Variants in SCN7A observed in about 807,000 individuals in gnomAD.
SCN7A encodes the protein sodium channel protein type 7 subunit alpha.
A neutral mutation model predicts 155.2 loss-of-function variants in SCN7A; 138 were observed. The ratio of observed to expected loss-of-function variants is 0.89; its 90% CI spans 0.77 to 1.02. The LOEUF is 1.02. Among genes scored for constraint, SCN7A ranks in the 50% least tolerant of loss-of-function variants. SCN7A has a pLI of 0.00. For synonymous variants in SCN7A, 693 were observed against 649.0 expected, an observed-to-expected ratio of 1.07 and a Z score of -1.03; for missense variants, 2,058 against 1,986.6, an observed-to-expected ratio of 1.04 and a Z score of -0.68.
chr2:166,430,545 A>C (rs1395388243), intron 16 of SCN7A, among the ~76,000 whole-genome samples: 1 of 151,858 alleles, frequency 6.6e-6, no homozygotes, highest in Non-Finnish European at 1.5e-5. Context: ...ATCCTATTTG[A>C]TGTGATTTTT....
At chr2:166,482,194 T>C (rs958641360) in intron 2 of SCN7A, among the ~76,000 whole-genome samples, 8 of 152,120 alleles carry the variant, frequency 5.3e-5, no homozygotes, top group East Asian at 1.9e-4. Flanking sequence ...AAAATCAGTA[T>C]ATTTTTGATA....
At position 166,439,053 on chromosome 2, in the gene SCN7A, GTGTA is replaced by G. The variant is rs1372091751; in HGVS notation, c.2157+2339_2157+2342del. On this transcript the variant is annotated intron_variant, in intron 15 of 25. Coordinates refer to ENST00000643258, the MANE Select transcript of SCN7A (RefSeq NM_002976.4). ...CACACATACATATATGTGTGTGTGT[GTGTA>G]TATATATATATATATATATATAGCC... Among the ~76,000 whole-genome samples the G allele has an allele frequency of 4.8e-4, 41 of 86,098 alleles. No individual in the cohort carries two copies. The East Asian group carries it at 5.1e-3, about 11-fold the overall frequency. 56.5% of individuals were successfully genotyped at this position (86,098 alleles called of 152,430 possible).
intron 1 of SCN7A, among the ~76,000 whole-genome samples, chr2:166,488,760 C>T (rs771968689): frequency 6.6e-6 from 1 of 151,908 alleles, no homozygotes; most frequent in South Asian, 2.1e-4. Flanking sequence ...GCTTCAGCCT[C>T]CCAAGTAGCT....
At chr2:166,426,922 T>A (rs1701636960) in intron 18 of SCN7A, among the ~76,000 whole-genome samples, 1 of 152,090 alleles carries the variant, frequency 6.6e-6, no homozygotes, top group African/African-American at 2.4e-5. Flanking sequence ...CTCCATCTTC[T>A]GTGTTCTGTG....
rs61576399 is a variant in SCN7A at position 166,456,803 on chromosome 2, AATATATATATATAT to A, written c.1290+53_1290+66del. On this transcript the variant is annotated intron_variant, in intron 11 of 25. Transcript: ENST00000643258. ...TAAATGATTGCTGTTTCAAGACTAA[AATATATATATATAT>A]ATATATATATATAGATAGATAGATA... 55 of 506,648 alleles carry A rather than the reference AATATATATATATAT, an allele frequency of 1.1e-4. 1 individual carries two copies. The highest frequency in any genetic ancestry group is 1.7e-4 in the South Asian group (4 of 23,924). 31.4% of individuals were successfully genotyped at this position (506,648 alleles called of 1,614,324 possible). A position where few individuals can be genotyped will look rare whatever the true frequency, so the allele number is the denominator to read the frequency against.
intron 2 of SCN7A, among the ~76,000 whole-genome samples, chr2:166,481,546 T>G (rs1424763960): frequency 6.6e-6 from 1 of 152,144 alleles, no homozygotes; most frequent in Non-Finnish European, 1.5e-5. Flanking sequence ...TACTTAATAG[T>G]AACTGCAATA....
Position 166,429,293 on chromosome 2 carries a change from C to T in SCN7A, c.2593-19G>A. 4.9e-6 allele frequency: 7 copies of T among 1,434,602 alleles called. No individual in the cohort carries two copies. Among genetic ancestry groups the T allele is most frequent in the Non-Finnish European group, 6.6e-6 (7 of 1,060,752 alleles). 88.9% of individuals were successfully genotyped at this position (1,434,602 alleles called of 1,614,324 possible). On this transcript the variant is annotated intron_variant, in intron 16 of 25. Transcript: ENST00000643258. ...TTATTTTCTAAAAGGTGAAGTCCCA[C>T]CAAAAAAGTTGTGATTAAAGTTTCA...
At chr2:166,435,064 T>C (rs1260582355) in intron 15 of SCN7A, among the ~76,000 whole-genome samples, 1 of 152,068 alleles carries the variant, frequency 6.6e-6, no homozygotes, top group Non-Finnish European at 1.5e-5. Flanking sequence ...CATACATTCA[T>C]ATATCTATAT....
At chr2:166,472,212 G>T in intron 6 of SCN7A, 105 bp downstream of exon 6, 19 of 1,083,800 alleles carry the variant, frequency 1.8e-5, no homozygotes, top group East Asian at 3.1e-5. Context: ...TTCTTCACTT[G>T]CAGACTATCT....
At chr2:166,420,184 A>G (rs1701481542) in intron 20 of SCN7A, among the ~76,000 whole-genome samples, 1 of 152,060 alleles carries the variant, frequency 6.6e-6, no homozygotes. Context: ...TATAGAGAAA[A>G]ATAAACATCC....
chr2:166,451,650 C>T (rs888452177), intron 11 of SCN7A, among the ~76,000 whole-genome samples: 1 of 152,300 alleles, frequency 6.6e-6, no homozygotes, highest in African/African-American at 2.4e-5. Context: ...ACTTCTCTGA[C>T]TCACCCTGCC....
rs796775807 is a variant in SCN7A, at chr2:166,456,989, C to T, written c.1171G>A (p.Gly391Ser). ...FSFYMASLFL[G>S]ILAMAYEEEK... The stretch of plus-strand genomic sequence containing the variant: ...TCTTCATAGGCCATGGCAAGTATGC[C>T]TAAGAACAAACTTGCCATATAAAAG... The change falls in exon 11 of 26, where the codon GGC becomes AGC. Residue 391 changes from glycine to serine, a missense_variant. Coordinates refer to ENST00000643258, the MANE Select transcript of SCN7A (RefSeq NM_002976.4). The T allele has an allele frequency of 6.2e-7, 1 of 1,608,994 alleles. No homozygotes were observed. The highest frequency in any genetic ancestry group is 1.3e-5 in the African/African-American group (1 of 74,892).
intron 1 of SCN7A, among the ~76,000 whole-genome samples, chr2:166,489,391 C>CTATATTATTTAT (rs1683029990): frequency 6.6e-6 from 1 of 152,142 alleles, no homozygotes; most frequent in African/African-American, 2.4e-5. Context: ...CTGTTGCTTT[C>CTATATTATTTAT]CAGTTAATAT....
chr2:166,418,284 C>CTTTTTTTTTTTTT (rs71031244), intron 20 of SCN7A, among the ~76,000 whole-genome samples: 2 of 60,664 alleles, frequency 3.3e-5, no homozygotes, highest in African/African-American at 1.4e-4. Context: ...CCCCGCCAGG[C>CTTTTTTTTTTTTT]TTTTTTTTTT....
At chr2:166,419,046 A>T (rs548972574) in intron 20 of SCN7A, among the ~76,000 whole-genome samples, 4 of 152,262 alleles carry the variant, frequency 2.6e-5, no homozygotes, top group South Asian at 2.1e-4. Context: ...TAAATGGTAC[A>T]GGGCCTAATT....
chr2:166,493,084 G>T (rs1683149544), intron 1 of SCN7A, among the ~76,000 whole-genome samples: 1 of 152,170 alleles, frequency 6.6e-6, no homozygotes, highest in Non-Finnish European at 1.5e-5. Flanking sequence ...AGTCATAGCA[G>T]GTATGGTGCC....
At chr2:166,470,750 G>C in intron 6 of SCN7A, 44 bp from the exon 7 acceptor site, 20 of 1,502,106 alleles carry the variant, frequency 1.3e-5, no homozygotes, top group Non-Finnish European at 1.8e-5. Context: ...TATTACATCT[G>C]TGCTACTTAT....
chr2:166,480,673 T>C (rs1702905315), intron 2 of SCN7A, among the ~76,000 whole-genome samples: 1 of 152,222 alleles, frequency 6.6e-6, no homozygotes, highest in Admixed American at 6.5e-5. Context: ...TTTCCTGCCT[T>C]AGCAATCAAC....
intron 25 of SCN7A, 118 bp from the exon 26 acceptor site, chr2:166,406,764 C>G: frequency 1.4e-6 from 1 of 738,448 alleles, no homozygotes; most frequent in Non-Finnish European, 2.2e-6. Context: ...TTTATTGATC[C>G]CTTCCATTTT....
Sources: gnomAD v4.1 joint callset for allele counts (sites outside exome capture counted in the v4.1 genomes callset) on GRCh38, gnomAD v4.1.1 for gene constraint, MANE v1.5 for transcripts, NCBI Gene and HGNC (gene_info 2026-07-23, HGNC 2026-07-21) for gene names.